The following ADGRL3 variants were observed in gnomAD, a reference collection of about 807,000 sequenced individuals.
ADGRL3 encodes calcium-independent alpha-latrotoxin receptor 3.
Under a neutral mutation model 153.5 loss-of-function variants are expected in ADGRL3, and 62 were observed. That is an observed-to-expected ratio of 0.40 (90% CI 0.33 to 0.50). ADGRL3 has a LOEUF of 0.50. ADGRL3 is among the 20% of genes least tolerant of loss of function. The pLI, the probability that ADGRL3 is intolerant of heterozygous loss-of-function variation, is 0.47. For missense variants in ADGRL3, 1,641 were observed against 1,859.4 expected (o/e 0.88, Z 2.16); for synonymous variants, 710 against 672.5 (o/e 1.06, Z -0.86).
At chr4:61,598,926 A>G (rs2099000063) in intron 5 of ADGRL3, among the ~76,000 whole-genome samples, 1 of 152,134 alleles carries the variant, frequency 6.6e-6, no homozygotes, top group Non-Finnish European at 1.5e-5. Flanking sequence ...TGGTAAAGAG[A>G]TTAATACAAG....
intron 23 of ADGRL3, among the ~76,000 whole-genome samples, chr4:62,033,069 A>G (rs1052798344): frequency 2.0e-5 from 3 of 151,786 alleles, no homozygotes; most frequent in Non-Finnish European, 4.4e-5. Flanking sequence ...CTGCCTAAAC[A>G]TATGTTTATG....
At chr4:61,668,629 G>C (rs2094884914) in intron 5 of ADGRL3, among the ~76,000 whole-genome samples, 1 of 152,112 alleles carries the variant, frequency 6.6e-6, no homozygotes, top group Non-Finnish European at 1.5e-5. Flanking sequence ...ATCACTTTAT[G>C]AATCACAGAT....
intron 1 of ADGRL3, among the ~76,000 whole-genome samples, chr4:61,297,054 A>G (rs1254516328): frequency 6.6e-6 from 1 of 152,194 alleles, no homozygotes; most frequent in Non-Finnish European, 1.5e-5. Context: ...ATAGTAGATC[A>G]ATGTGTAGCA....
intron 21 of ADGRL3, among the ~76,000 whole-genome samples, chr4:62,014,670 T>G (rs1331800389): frequency 6.6e-6 from 1 of 152,174 alleles, no homozygotes; most frequent in Non-Finnish European, 1.5e-5. Flanking sequence ...GAAAATACTG[T>G]TATACATAAA....
chr4:62,074,974 A>G lies in ADGRL3; in HGVS notation c.*4066A>G, dbSNP rs1281893976. On this transcript the variant is annotated 3_prime_UTR_variant, in exon 27 of 27. Transcript: ENST00000683033. ...GACCCCCAACACATGTTGAAATGTT[A>G]TTGACTAGCTTGCTTTTTTTAAGGA... The G allele has an allele frequency of 6.6e-6, 1 of 152,144 alleles. No individual in the cohort carries two copies. Among genetic ancestry groups the G allele is most frequent in the Non-Finnish European group, 1.5e-5 (1 of 68,020 alleles). The allele number at this position is 152,144 out of a possible 1,614,324, so 9.4% of individuals were successfully genotyped here. A position where few individuals can be genotyped will look rare whatever the true frequency, so the allele number is the denominator to read the frequency against.
At chr4:61,904,701 C>A (rs969134586) in intron 11 of ADGRL3, among the ~76,000 whole-genome samples, 2 of 150,832 alleles carry the variant, frequency 1.3e-5, no homozygotes, top group Non-Finnish European at 2.9e-5. Context: ...AATGGAATTA[C>A]AATATGAAAA....
chr4:61,755,891 T>G (rs951800985), intron 8 of ADGRL3, among the ~76,000 whole-genome samples: 22 of 152,218 alleles, frequency 1.4e-4, no homozygotes, highest in East Asian at 1.4e-3. Context: ...TTTCCCCATT[T>G]CTTGTTTTTG....
Position 61,980,306 on chromosome 4 carries a change from A to ATTTTTTTTT in ADGRL3, c.3015+552_3015+560dup, listed in dbSNP as rs756680977. Reference sequence around the variant, plus strand: ...TCCCACTAACCTCTGGTAACCACTAATTTTTTTTTTTTTTTTTTTTTTTTT... The same window carrying ATTTTTTTTT: ...TCCCACTAACCTCTGGTAACCACTAATTTTTTTTTTTTTTTTTTTTTTTTTTTTTTTTTT... On this transcript the variant is annotated intron_variant, in intron 18 of 26. Transcript: ENST00000683033. Among the ~76,000 whole-genome samples the ATTTTTTTTT allele has an allele frequency of 2.2e-3, 163 of 74,408 alleles. 33 individuals are homozygous for ATTTTTTTTT. Among genetic ancestry groups the ATTTTTTTTT allele is most frequent in the Middle Eastern group, 0.021 (1 of 48 alleles). 48.8% of individuals were successfully genotyped at this position (74,408 alleles called of 152,430 possible). A position where few individuals can be genotyped will look rare whatever the true frequency, so the allele number is the denominator to read the frequency against.
chr4:61,797,926 C>T (rs1197292721), intron 8 of ADGRL3, among the ~76,000 whole-genome samples: 1 of 152,132 alleles, frequency 6.6e-6, no homozygotes, highest in Non-Finnish European at 1.5e-5. Context: ...ACAGTCACCT[C>T]TTATGGGCTT....
intron 25 of ADGRL3, among the ~76,000 whole-genome samples, chr4:62,049,350 A>G (rs1330843854): frequency 6.6e-6 from 1 of 152,126 alleles, no homozygotes; most frequent in African/African-American, 2.4e-5. Context: ...CTGATCTCCT[A>G]TCCTCCATCT....
chr4:61,707,633 A>T (rs189494442), intron 6 of ADGRL3, among the ~76,000 whole-genome samples: 1 of 152,306 alleles, frequency 6.6e-6, no homozygotes, highest in East Asian at 1.9e-4. Flanking sequence ...TTTTCTAATC[A>T]GACCTTAGAA....
At chr4:61,665,982 T>C (rs2094779911) in intron 5 of ADGRL3, among the ~76,000 whole-genome samples, 1 of 152,226 alleles carries the variant, frequency 6.6e-6, no homozygotes, top group African/African-American at 2.4e-5. Context: ...ACATTATTGT[T>C]ATAAAGCATG....
intron 4 of ADGRL3, among the ~76,000 whole-genome samples, chr4:61,530,189 G>A (rs1038063444): frequency 4.6e-5 from 7 of 152,100 alleles, no homozygotes; most frequent in Admixed American, 4.6e-4. Context: ...TTGCATAAGT[G>A]CATGAATTGT....
chr4:61,909,866 G>A (rs1018690951), intron 12 of ADGRL3, 121 bp downstream of exon 12: 2 of 648,850 alleles, frequency 3.1e-6, no homozygotes, highest in Non-Finnish European at 4.9e-6. Context: ...TACAGAATAT[G>A]ATCATTATAA....
chr4:61,566,067 TAGG>T (rs1473968068), intron 4 of ADGRL3, among the ~76,000 whole-genome samples: 1 of 152,182 alleles, frequency 6.6e-6, no homozygotes, highest in Non-Finnish European at 1.5e-5. Flanking sequence ...CATTGAACTA[TAGG>T]AGTTTATTAG....
At chr4:62,028,578 T>A (rs1720207020) in intron 21 of ADGRL3, among the ~76,000 whole-genome samples, 1 of 151,934 alleles carries the variant, frequency 6.6e-6, no homozygotes, top group East Asian at 1.9e-4. Flanking sequence ...AATAAATGTC[T>A]CTTTCAAGTC....
At chr4:61,476,739 CA>C (rs376736209) in intron 2 of ADGRL3, among the ~76,000 whole-genome samples, 1 of 66,798 alleles carries the variant, frequency 1.5e-5, no homozygotes, top group Non-Finnish European at 3.0e-5. Context: ...AAAAAAAAAA[CA>C]AAAAAACATA....
intron 15 of ADGRL3, among the ~76,000 whole-genome samples, chr4:61,938,123 T>A (rs938975667): frequency 6.6e-6 from 1 of 152,012 alleles, no homozygotes; most frequent in Non-Finnish European, 1.5e-5. Flanking sequence ...TATGAAAGAA[T>A]TGCCAGTGAC....
intron 12 of ADGRL3, among the ~76,000 whole-genome samples, chr4:61,910,531 G>A (rs1384518396): frequency 6.6e-6 from 1 of 151,240 alleles, no homozygotes; most frequent in South Asian, 2.1e-4. Context: ...ATCAGGTGGT[G>A]AATTAACCCC....
Sources: gnomAD v4.1 joint callset for allele counts (sites outside exome capture counted in the v4.1 genomes callset) on GRCh38, gnomAD v4.1.1 for gene constraint, MANE v1.5 for transcripts, NCBI Gene and HGNC (gene_info 2026-07-23, HGNC 2026-07-21) for gene names.